FAM177B: variants seen among roughly 807,000 people sequenced by gnomAD.
FAM177B encodes protein FAM177B.
A neutral mutation model predicts 16.1 loss-of-function variants in FAM177B; 16 were observed. The ratio of observed to expected loss-of-function variants is 0.99; its 90% CI spans 0.67 to 1.51. The LOEUF (loss-of-function observed/expected upper bound fraction) is 1.51. Among genes scored for constraint, FAM177B ranks in the 40% most tolerant of loss-of-function variants. FAM177B has a pLI of 0.00. For missense variants in FAM177B, 178 were observed against 183.7 expected, an observed-to-expected ratio of 0.97 and a Z score of 0.18; for synonymous variants, 56 against 59.9, an observed-to-expected ratio of 0.93 and a Z score of 0.30.
intron 4 of FAM177B, among the ~76,000 whole-genome samples, chr1:222,748,352 G>T (rs1658895022): frequency 6.6e-6 from 1 of 152,184 alleles, no homozygotes; most frequent in Non-Finnish European, 1.5e-5. Flanking sequence ...CTCAATATGG[G>T]ATTGAGAGTA....
intron 2 of FAM177B, among the ~76,000 whole-genome samples, chr1:222,741,186 G>A (rs1412336733): frequency 6.7e-6 from 1 of 149,982 alleles, no homozygotes; most frequent in Non-Finnish European, 1.5e-5. Context: ...AGACTCCTGA[G>A]TAGCTGCGAC....
Position 222,746,663 on chromosome 1 carries a change from G to A in FAM177B, c.118G>A (p.Glu40Lys), listed in dbSNP as rs1658812092. Residue 40 changes from glutamate to lysine, a missense_variant, in exon 3 of 6, where the codon GAG becomes AAG. Transcript: ENST00000445590. ...AGACATCATGGAAGAATATAGCACA[G>A]AGGAGGAGGAGGAAGAGGAAAAGGA... ...DGDIMEEYST[E>K]EEEEEEKEEQ... The A allele has an allele frequency of 1.9e-6, 3 of 1,596,208 alleles. No homozygotes were observed. In the Admixed American group the frequency reaches 5.0e-5, roughly 27 times the overall value.
chr1:222,750,243 G>T lies in FAM177B; in HGVS notation c.*185G>T. Reference sequence around the variant, plus strand: ...AGTCTCAAGCATCCAGGAATTACAAGCAATAATGAGAGTAATTTTGGACAC... The same window carrying T: ...AGTCTCAAGCATCCAGGAATTACAATCAATAATGAGAGTAATTTTGGACAC... On this transcript the variant is annotated 3_prime_UTR_variant, in exon 6 of 6. Coordinates refer to ENST00000445590, the MANE Select transcript of FAM177B (RefSeq NM_001394345.1). 1 of 1,392,744 alleles carries T rather than the reference G, an allele frequency of 7.2e-7. No homozygotes were observed. Among genetic ancestry groups the T allele is most frequent in the South Asian group, 1.8e-5 (1 of 54,316 alleles). The allele number at this position is 1,392,744 out of a possible 1,614,324, so 86.3% of individuals were successfully genotyped here. A position where few individuals can be genotyped will look rare whatever the true frequency, so the allele number is the denominator to read the frequency against.
intron 4 of FAM177B, among the ~76,000 whole-genome samples, chr1:222,748,310 G>T (rs905926201): frequency 6.6e-6 from 1 of 152,160 alleles, no homozygotes; most frequent in Non-Finnish European, 1.5e-5. Flanking sequence ...GGAGGGAATT[G>T]GAGAAGATTA....
rs151202441 is a variant in FAM177B, at chr1:222,749,451, G to T, written c.242-14G>T. On this transcript the variant is annotated splice_polypyrimidine_tract_variant and intron_variant, in intron 4 of 5. Coordinates refer to ENST00000445590, the MANE Select transcript of FAM177B (RefSeq NM_001394345.1). ...AGTAATTCAGTTTACGCAAGTGCTC[G>T]TTCTTTCTTTTAGCATGTGAATTCC... 1.5e-3 allele frequency: 2,275 copies of T among 1,544,300 alleles called. 43 individuals carry two copies. In the South Asian group the frequency reaches 0.016, roughly 11 times the overall value.
intron 2 of FAM177B, among the ~76,000 whole-genome samples, chr1:222,741,419 C>G (rs1453835368): frequency 3.3e-5 from 5 of 151,980 alleles, no homozygotes; most frequent in African/African-American, 1.2e-4. Context: ...CATAGAATTT[C>G]CTATTATTAA....
intron 2 of FAM177B, among the ~76,000 whole-genome samples, chr1:222,743,782 A>G (rs1246630411): frequency 1.3e-5 from 2 of 152,100 alleles, no homozygotes; most frequent in African/African-American, 4.8e-5. Context: ...TTATTACCTT[A>G]GTTTTATGCA....
rs1659006101 is a variant in FAM177B, at chr1:222,750,538, T to C, written c.*480T>C. 15 of 985,248 alleles carry C rather than the reference T, an allele frequency of 1.5e-5. No homozygotes were observed. Among genetic ancestry groups the C allele is most frequent in the South Asian group, 4.7e-5 (1 of 21,302 alleles). 61.0% of individuals were successfully genotyped at this position (985,248 alleles called of 1,614,324 possible). A position where few individuals can be genotyped will look rare whatever the true frequency, so the allele number is the denominator to read the frequency against. On this transcript the variant is annotated 3_prime_UTR_variant, in exon 6 of 6. Coordinates refer to ENST00000445590, the MANE Select transcript of FAM177B (RefSeq NM_001394345.1). ...ACTTCCAACAACCATCCTGGCGTAG[T>C]TGGGGATTGTTTTACAATAAGTAAA...
In FAM177B at chr1:222,744,903, C is replaced by T. The variant is rs554042114; in HGVS notation, c.-15-1628C>T. On this transcript the variant is annotated intron_variant, in intron 2 of 5. Transcript: ENST00000445590. Reference sequence around the variant, plus strand: ...ATCATGATATCTATTAGAACACTTCCGTCACCCCAAAAAGCTCCCTTTGTC... The same window carrying T: ...ATCATGATATCTATTAGAACACTTCTGTCACCCCAAAAAGCTCCCTTTGTC... 9.9e-5 allele frequency among the ~76,000 whole-genome samples: 15 copies of T among 152,274 alleles called. No individual in the cohort carries two copies. In the South Asian group the frequency reaches 2.5e-3, roughly 25 times the overall value.
At chr1:222,743,000 G>A (rs1219711651) in intron 2 of FAM177B, among the ~76,000 whole-genome samples, 2 of 152,034 alleles carry the variant, frequency 1.3e-5, no homozygotes. Context: ...AATGTTTCCT[G>A]TTGTCCTATC....
intron 2 of FAM177B, among the ~76,000 whole-genome samples, chr1:222,741,789 T>TTTCTTTCTTTCTCTCTTTCTTTC (rs1658547896): frequency 6.8e-6 from 1 of 147,106 alleles, no homozygotes; most frequent in Non-Finnish European, 1.5e-5. Context: ...TTTCTTTTTC[T>TTTCTTTCTTTCTCTCTTTCTTTC]TTCTTTCTTT....
Position 222,749,577 on chromosome 1 carries a change from G to GA in FAM177B, c.339+16dup, listed in dbSNP as rs1558251259. On this transcript the variant is annotated intron_variant, in intron 5 of 5. Transcript: ENST00000445590. ...TACAAAACAAGGTATGTGACACTCTGATGGAAACAAGGGGCCTGAGATGGG... is the reference window on the plus strand; with the variant it reads ...TACAAAACAAGGTATGTGACACTCTGAATGGAAACAAGGGGCCTGAGATGGG... 1 of 1,460,678 alleles carries GA rather than the reference G, an allele frequency of 6.8e-7. No individual in the cohort carries two copies. The allele number at this position is 1,460,678 out of a possible 1,614,324, so 90.5% of individuals were successfully genotyped here. A position where few individuals can be genotyped will look rare whatever the true frequency, so the allele number is the denominator to read the frequency against.
intron 2 of FAM177B, among the ~76,000 whole-genome samples, chr1:222,738,754 C>G (rs1235294976): frequency 6.6e-6 from 1 of 152,086 alleles, no homozygotes; most frequent in Non-Finnish European, 1.5e-5. Flanking sequence ...GCAATGTTCC[C>G]AAGGTTTTTG....
At chr1:222,745,903 A>ATT (rs769269346) in intron 2 of FAM177B, among the ~76,000 whole-genome samples, 2 of 152,220 alleles carry the variant, frequency 1.3e-5, no homozygotes, top group African/African-American at 2.4e-5. Flanking sequence ...AACAAGAGCA[A>ATT]AAAAGTCTGT....
intron 2 of FAM177B, among the ~76,000 whole-genome samples, chr1:222,745,279 G>T (rs1226464653): frequency 6.6e-6 from 1 of 152,010 alleles, no homozygotes. Context: ...CATTTCTCTT[G>T]GATAAACATC....
chr1:222,744,923 T>G (rs1328279717), intron 2 of FAM177B, among the ~76,000 whole-genome samples: 3 of 152,208 alleles, frequency 2.0e-5, no homozygotes, highest in African/African-American at 7.2e-5. Flanking sequence ...AAAAGCTCCC[T>G]TTGTCACTTT....
rs369859236 is a variant in FAM177B at position 222,743,902 on chromosome 1, C to G, written c.-15-2629C>G. ...AGGCCTATATCTGGTTCTGAACCCC[C>G]CAGCAACCATCTCGGCTTCAGCTCA... On this transcript the variant is annotated intron_variant, in intron 2 of 5. Transcript: ENST00000445590. Among the ~76,000 whole-genome samples the G allele has an allele frequency of 2.9e-4, 44 of 152,186 alleles. No homozygotes were observed. The South Asian group carries it at 6.2e-3, about 22-fold the overall frequency.
At chr1:222,747,310 C>T in intron 4 of FAM177B, 1 of 496,228 alleles carries the variant, frequency 2.0e-6, no homozygotes, top group Non-Finnish European at 3.6e-6. Flanking sequence ...CAAATTTTAT[C>T]TACTTCTAAA....
At chr1:222,740,276 A>G (rs956023593) in intron 2 of FAM177B, among the ~76,000 whole-genome samples, 4 of 152,364 alleles carry the variant, frequency 2.6e-5, no homozygotes, top group Admixed American at 6.5e-5. Context: ...TGTATATTCA[A>G]TCATGTTTGC....
Sources: gnomAD v4.1 joint callset for allele counts (sites outside exome capture counted in the v4.1 genomes callset) on GRCh38, gnomAD v4.1.1 for gene constraint, MANE v1.5 for transcripts, NCBI Gene and HGNC (gene_info 2026-07-23, HGNC 2026-07-21) for gene names.